NOTCH2: variants seen among roughly 807,000 people sequenced by gnomAD.
The protein encoded by NOTCH2 is notch receptor 2.
Under a neutral mutation model 235.8 loss-of-function variants are expected in NOTCH2, and 29 were observed. The ratio of observed to expected loss-of-function variants is 0.12; its 90% CI spans 0.09 to 0.17. NOTCH2 has a LOEUF of 0.17. Ranked by LOEUF, NOTCH2 falls within the 10% of genes least tolerant of loss-of-function variation. The pLI, the probability that NOTCH2 is intolerant of heterozygous loss-of-function variation, is 1.00. For synonymous variants in NOTCH2, 1,086 were observed against 1,141.5 expected (o/e 0.95, Z 0.98); for missense variants, 2,285 against 3,150.2 (o/e 0.73, Z 6.57).
At chr1:119,966,786 T>C (rs1651154490) in intron 8 of NOTCH2, among the ~76,000 whole-genome samples, 1 of 152,226 alleles carries the variant, frequency 6.6e-6, no homozygotes, top group South Asian at 2.1e-4. Flanking sequence ...CCATACTTTC[T>C]GGACTGTGGA....
At position 119,923,738 on chromosome 1, in the gene NOTCH2, T is replaced by C. The variant is rs587597840; in HGVS notation, c.4758A>G (p.Glu1586=). 3.3e-5 allele frequency: 53 copies of C among 1,614,166 alleles called. No individual in the cohort carries two copies. Among genetic ancestry groups the C allele is most frequent in the Non-Finnish European group, 4.2e-5 (49 of 1,180,018 alleles). ...CACCATAATAGGGGTACACCATGAG[T>C]TCCCCCTGGGAGTCCCGCTTAATGC... The part of the protein sequence containing the change: ...NLRIKRDSQG[E]LMVYPYYGEK... Residue 1586 remains glutamate, a synonymous_variant, in exon 26 of 34, where the codon GAA becomes GAG. Transcript: ENST00000256646.
Position 119,928,983 on chromosome 1 carries a change from G to T in NOTCH2, c.3885C>A (p.Ala1295=). The T allele has an allele frequency of 6.2e-7, 1 of 1,613,852 alleles. No homozygotes were observed. Among genetic ancestry groups the T allele is most frequent in the Non-Finnish European group, 8.5e-7 (1 of 1,179,760 alleles). Residue 1295 remains alanine, a synonymous_variant, in exon 23 of 34, where the codon GCC becomes GCA. Transcript: ENST00000256646. ...TNDYLCVCRS[A]FTGRHCETFV... Reference sequence around the variant, plus strand: ...GGCTAGAGAGCTTCTCACCAGTAAAGGCACTACGGCAAACACACAGGTAGT... The same window carrying T: ...GGCTAGAGAGCTTCTCACCAGTAAATGCACTACGGCAAACACACAGGTAGT...
chr1:119,924,760 AG>A (rs1167060209), intron 25 of NOTCH2, among the ~76,000 whole-genome samples: 1 of 152,246 alleles, frequency 6.6e-6, no homozygotes, highest in East Asian at 1.9e-4. Context: ...AAAGAATGTT[AG>A]TAATACCTAT....
chr1:119,915,132 C>T lies in NOTCH2; in HGVS notation c.*174G>A. The T allele has an allele frequency of 1.5e-6, 1 of 687,322 alleles. No individual in the cohort carries two copies. Among genetic ancestry groups the T allele is most frequent in the Non-Finnish European group, 2.6e-6 (1 of 391,920 alleles). The allele number at this position is 687,322 out of a possible 1,614,324, so 42.6% of individuals were successfully genotyped here. A position where few individuals can be genotyped will look rare whatever the true frequency, so the allele number is the denominator to read the frequency against. ...ATAATCAATAAGCCTTGCAGATACC[C>T]AGTGAAACTGACGAATTGCTTCTCT... On this transcript the variant is annotated 3_prime_UTR_variant, in exon 34 of 34. Coordinates refer to ENST00000256646, the MANE Select transcript of NOTCH2 (RefSeq NM_024408.4).
chr1:119,919,925 C>T (rs759886965), intron 30 of NOTCH2, among the ~76,000 whole-genome samples: 1 of 152,168 alleles, frequency 6.6e-6, no homozygotes, highest in African/African-American at 2.4e-5. Flanking sequence ...ACAATTAATA[C>T]ATGCATAAGA....
chr1:120,027,933 A>G (rs1553210257), intron 2 of NOTCH2, among the ~76,000 whole-genome samples: 2 of 140,386 alleles, frequency 1.4e-5, no homozygotes, highest in Non-Finnish European at 3.0e-5. Context: ...GCTGCAGTAA[A>G]CACACATGTG....
chr1:120,039,565 C>T (rs150054005), intron 1 of NOTCH2, among the ~76,000 whole-genome samples: 1 of 151,510 alleles, frequency 6.6e-6, no homozygotes, highest in Non-Finnish European at 1.5e-5. Flanking sequence ...CCCGCCACCA[C>T]ATCCGGCTAA....
At chr1:119,994,953 C>CA (rs1357707971) in intron 4 of NOTCH2, 1 of 147,924 alleles carries the variant, frequency 6.8e-6, no homozygotes, top group African/African-American at 2.5e-5. Flanking sequence ...CCTGAGTCAC[C>CA]AAAAAAATGT....
At chr1:120,023,906 A>G (rs1308994492) in intron 2 of NOTCH2, among the ~76,000 whole-genome samples, 1 of 151,796 alleles carries the variant, frequency 6.6e-6, no homozygotes, top group African/African-American at 2.4e-5. Flanking sequence ...AACTGCAACT[A>G]CTACCACAGA....
At chr1:119,916,741 G>T in intron 33 of NOTCH2, 47 bp from the exon 34 acceptor site, 1 of 1,583,686 alleles carries the variant, frequency 6.3e-7, no homozygotes, top group Non-Finnish European at 8.7e-7. Context: ...ACACTCTTGA[G>T]AATATAGCAG....
intron 11 of NOTCH2, among the ~76,000 whole-genome samples, chr1:119,961,939 A>AT (rs1650953970): frequency 6.6e-6 from 1 of 152,034 alleles, no homozygotes; most frequent in Non-Finnish European, 1.5e-5. Flanking sequence ...CTTTTAATGG[A>AT]TTTTCCACCC....
At chr1:119,975,795 C>G (rs1651557217) in intron 5 of NOTCH2, among the ~76,000 whole-genome samples, 1 of 152,184 alleles carries the variant, frequency 6.6e-6, no homozygotes, top group African/African-American at 2.4e-5. Flanking sequence ...ATGAAACAGT[C>G]AGCATTTATG....
intron 2 of NOTCH2, among the ~76,000 whole-genome samples, chr1:120,013,706 AC>A (rs1426716631): frequency 2.7e-5 from 4 of 150,002 alleles, no homozygotes; most frequent in Non-Finnish European, 4.5e-5. Flanking sequence ...GAAATAACAG[AC>A]CCTTGTTTCC....
chr1:119,937,595 C>T (rs1199970975), intron 20 of NOTCH2, 129 bp from the exon 21 acceptor site: 20 of 907,976 alleles, frequency 2.2e-5, no homozygotes, highest in Non-Finnish European at 7.0e-6. Flanking sequence ...TTCTTCACAA[C>T]CCTCAGTACC....
chr1:119,958,369 G>A (rs1193324624), intron 12 of NOTCH2, among the ~76,000 whole-genome samples: 1 of 152,200 alleles, frequency 6.6e-6, no homozygotes, highest in East Asian at 1.9e-4. Flanking sequence ...AGAAATTCTT[G>A]TGAAATAGAG....
chr1:119,935,005 A>T (rs1649796078), intron 22 of NOTCH2: 2 of 704,530 alleles, frequency 2.8e-6, no homozygotes, highest in African/African-American at 3.9e-5. Context: ...ACCTTACACC[A>T]TCAGTATCCT....
chr1:120,004,961 G>GT (rs587773937), intron 3 of NOTCH2, among the ~76,000 whole-genome samples: 49 of 152,162 alleles, frequency 3.2e-4, no homozygotes, highest in Admixed American at 2.1e-3. Flanking sequence ...TTTTATTCTT[G>GT]TTTTTTTGTA....
rs587649658 is a variant in NOTCH2, at chr1:119,952,094, C to G, written c.2366-1257G>C. On this transcript the variant is annotated intron_variant, in intron 14 of 33. Transcript: ENST00000256646. ...GTGAGGAAATCAATGAATAAATAGA[C>G]AGATGAGTGCAAATATAATGATTTA... 4.6e-5 allele frequency among the ~76,000 whole-genome samples: 7 copies of G among 152,246 alleles called. No homozygotes were observed. The South Asian group carries it at 1.4e-3, about 32-fold the overall frequency.
At chr1:119,956,599 A>T (rs966819414) in intron 12 of NOTCH2, among the ~76,000 whole-genome samples, 2 of 152,186 alleles carry the variant, frequency 1.3e-5, no homozygotes, top group African/African-American at 2.4e-5. Context: ...CTTGGCCTCA[A>T]CCACTGATTC....
Sources: allele counts gnomAD v4.1 joint callset (sites outside exome capture counted in the v4.1 genomes callset), GRCh38; gene constraint gnomAD v4.1.1; transcripts MANE v1.5; gene names NCBI Gene and HGNC (gene_info 2026-07-23, HGNC 2026-07-21).